HUWE1: variants seen among roughly 807,000 people sequenced by gnomAD.
The protein encoded by HUWE1 is E3 ubiquitin-protein ligase HUWE1.
Under a neutral mutation model 299.4 loss-of-function variants are expected in HUWE1, and 18 were observed. The ratio of observed to expected loss-of-function variants is 0.06; its 90% CI spans 0.04 to 0.09. The LOEUF (loss-of-function observed/expected upper bound fraction) is 0.09, where lower values mean the gene tolerates loss of function less well. Among genes scored for constraint, HUWE1 ranks in the 10% least tolerant of loss-of-function variants. HUWE1 has a pLI of 1.00. For synonymous variants in HUWE1, 1,317 were observed against 1,286.1 expected (o/e 1.02, Z -0.51); for missense variants, 1,832 against 3,462.3 (o/e 0.53, Z 11.82).
intron 23 of HUWE1, among the ~76,000 whole-genome samples, chrX:53,613,740 C>T (rs1557004638): frequency 1.8e-5 from 2 of 111,207 alleles, no homozygotes; most frequent in East Asian, 5.6e-4. Context: ...CAGATAGTAA[C>T]AAAATGAACA....
intron 12 of HUWE1, among the ~76,000 whole-genome samples, chrX:53,630,606 A>G (rs1341971602): frequency 9.1e-6 from 1 of 109,455 alleles, no homozygotes; most frequent in Admixed American, 9.8e-5. Flanking sequence ...AGGATGAGAG[A>G]GGAGGAAGAC....
At chrX:53,642,695 G>A (rs782172681) in intron 7 of HUWE1, among the ~76,000 whole-genome samples, 6 of 112,317 alleles carry the variant, frequency 5.3e-5, no homozygotes, top group Non-Finnish European at 7.5e-5. Context: ...CAAATCTGAT[G>A]CTTACAAAGC....
chrX:53,589,133 C>CCACTT (rs58534272), intron 36 of HUWE1, among the ~76,000 whole-genome samples: 44,573 of 110,309 alleles, frequency 0.4, 8,035 homozygotes, highest in Non-Finnish European at 0.54. Context: ...CTTTCTTATC[C>CCACTT]CACTTCTATA....
At position 53,588,494 on chromosome X, in the gene HUWE1, GGAA is replaced by G; in HGVS notation, c.4499_4501del (p.Leu1500del). ...GGTTTTTGTGTCACTTGTTGTCAGG[GGAA>G]GAGCAGCTTTGATCAATACATCAGC... On this transcript the variant is annotated inframe_deletion, in exon 37 of 84. Coordinates refer to ENST00000262854, the MANE Select transcript of HUWE1 (RefSeq NM_031407.7). The G allele has an allele frequency of 8.3e-7, 1 of 1,206,826 alleles. No individual in the cohort carries two copies. Among genetic ancestry groups the G allele is most frequent in the Middle Eastern group, 2.3e-4 (1 of 4,349 alleles).
chrX:53,563,697 G>C, intron 52 of HUWE1, 49 bp downstream of exon 52: 3 of 1,182,018 alleles, frequency 2.5e-6, no homozygotes, highest in Non-Finnish European at 3.4e-6. Flanking sequence ...GTCCTCCCAA[G>C]AGAGACTGAG....
intron 29 of HUWE1, among the ~76,000 whole-genome samples, chrX:53,599,302 TTAAAAG>T (rs1198088260): frequency 1.2e-4 from 13 of 112,283 alleles, no homozygotes; most frequent in Non-Finnish European, 1.9e-4. Context: ...ATTAAACTAA[TTAAAAG>T]TAAAATGTAA....
chrX:53,631,860 T>C, intron 9 of HUWE1: 1 of 400,077 alleles, frequency 2.5e-6, no homozygotes, highest in Admixed American at 4.4e-5. Flanking sequence ...GCCAGGCACA[T>C]TTCATATTCT....
At position 53,549,461 on chromosome X, in the gene HUWE1, C is replaced by T; in HGVS notation, c.9533G>A (p.Arg3178Gln). 8.3e-7 allele frequency: 1 copy of T among 1,210,529 alleles called. No homozygotes were observed. Among genetic ancestry groups the T allele is most frequent in the Non-Finnish European group, 1.1e-6 (1 of 895,311 alleles). The change falls in exon 67 of 84, where the codon CGG becomes CAG. Residue 3178 changes from arginine (R) to glutamine (Q), a missense_variant. Transcript: ENST00000262854. The stretch of plus-strand genomic sequence containing the variant: ...AAGGGCTTCGTGGTCCAGAAGGAGC[C>T]GTCCTCGGAGGCGGAGGAGAGTATC... ...NVDTLLRLRGRLLLDHEALSC... is the reference protein window; with the variant it reads ...NVDTLLRLRGQLLLDHEALSC...
At chrX:53,657,312 G>A (rs1394842664) in intron 3 of HUWE1, among the ~76,000 whole-genome samples, 4 of 112,247 alleles carry the variant, frequency 3.6e-5, no homozygotes, top group African/African-American at 9.7e-5. Flanking sequence ...AGTGGCTCAT[G>A]CCTGTAATCC....
intron 37 of HUWE1, 75 bp downstream of exon 37, chrX:53,588,307 A>G (rs782644107): frequency 1.0e-5 from 11 of 1,063,962 alleles, no homozygotes; most frequent in Non-Finnish European, 1.4e-5. Flanking sequence ...TATCGTCTTC[A>G]ATGCCTCATA....
intron 47 of HUWE1, among the ~76,000 whole-genome samples, chrX:53,571,977 A>G (rs2062850806): frequency 1.8e-5 from 2 of 112,012 alleles, no homozygotes; most frequent in Admixed American, 1.9e-4. Flanking sequence ...TAGTTCACGA[A>G]CTTATATATA....
At chrX:53,603,785 T>A (rs1014624092) in intron 26 of HUWE1, among the ~76,000 whole-genome samples, 2 of 112,173 alleles carry the variant, frequency 1.8e-5, no homozygotes, top group African/African-American at 6.5e-5. Flanking sequence ...AAAGAAATGG[T>A]TTTACAGGTT....
At chrX:53,662,674 A>T (rs1224704364) in intron 3 of HUWE1, among the ~76,000 whole-genome samples, 2 of 112,571 alleles carry the variant, frequency 1.8e-5, no homozygotes, top group African/African-American at 6.5e-5. Flanking sequence ...GGAAAGACGT[A>T]TGCATTAAGA....
At chrX:53,551,869 C>A (rs782002032) in intron 63 of HUWE1, among the ~76,000 whole-genome samples, 1 of 111,276 alleles carries the variant, frequency 9.0e-6, no homozygotes, top group South Asian at 3.9e-4. Flanking sequence ...CCATGTCACT[C>A]CTTGAGGGAA....
At chrX:53,620,634 T>A (rs1342832117) in intron 19 of HUWE1, among the ~76,000 whole-genome samples, 2 of 111,633 alleles carry the variant, frequency 1.8e-5, no homozygotes, top group Non-Finnish European at 3.8e-5. Context: ...TGGACAATGG[T>A]CTCTTAAATT....
chrX:53,535,194 C>A (rs1194340257), intron 81 of HUWE1, among the ~76,000 whole-genome samples, 190 bp downstream of exon 81: 1 of 112,107 alleles, frequency 8.9e-6, no homozygotes, highest in Non-Finnish European at 1.9e-5. Context: ...CTTGGCCTCC[C>A]AAAGTGCTGG....
rs2067353289 is a variant in HUWE1, at chrX:53,638,348, A to G, written c.505-4050T>C. 3.6e-5 allele frequency among the ~76,000 whole-genome samples: 4 copies of G among 111,636 alleles called. No individual in the cohort carries two copies. In the Admixed American group the frequency reaches 3.8e-4, roughly 11 times the overall value. ...GAGCGAGACTCCGTCTCAAAAAAAC[A>G]AAAAACAAAAAAAAAATACATAAGT... is the stretch of plus-strand genomic sequence containing the variant. On this transcript the variant is annotated intron_variant, in intron 7 of 83. Coordinates refer to ENST00000262854, the MANE Select transcript of HUWE1 (RefSeq NM_031407.7).
At chrX:53,619,899 A>G (rs2066034971) in intron 19 of HUWE1, among the ~76,000 whole-genome samples, 1 of 112,025 alleles carries the variant, frequency 8.9e-6, no homozygotes, top group Admixed American at 9.4e-5. Flanking sequence ...CCCTACTCAA[A>G]CCCTAGCCTC....
intron 7 of HUWE1, among the ~76,000 whole-genome samples, chrX:53,641,896 A>G (rs2067613402): frequency 9.0e-6 from 1 of 111,270 alleles, no homozygotes; most frequent in Non-Finnish European, 1.9e-5. Flanking sequence ...GTGTTGGTCT[A>G]ACAGATCTTA....
Sources: gnomAD v4.1 joint callset for allele counts (sites outside exome capture counted in the v4.1 genomes callset) on GRCh38, gnomAD v4.1.1 for gene constraint, MANE v1.5 for transcripts, NCBI Gene and HGNC (gene_info 2026-07-23, HGNC 2026-07-21) for gene names.